The following DPY19L1 variants were observed in gnomAD, a reference collection of about 807,000 sequenced individuals.
The protein encoded by DPY19L1 is dpy-19 like C-mannosyltransferase 1.
In DPY19L1, 35 loss-of-function variants were observed where a neutral mutation model predicts 96.9. The ratio of observed to expected loss-of-function variants is 0.36; its 90% confidence interval spans 0.28 to 0.48. DPY19L1 has a LOEUF of 0.48. Among genes scored for constraint, DPY19L1 ranks in the 20% least tolerant of loss-of-function variants. DPY19L1 has a pLI of 0.99. For missense variants in DPY19L1, 521 were observed against 777.9 expected (o/e 0.67, Z 3.93); for synonymous variants, 205 against 252.6 (o/e 0.81, Z 1.79).
intron 6 of DPY19L1, among the ~76,000 whole-genome samples, chr7:35,002,141 A>C (rs1448584170): frequency 2.6e-5 from 4 of 151,034 alleles, no homozygotes; most frequent in Non-Finnish European, 4.4e-5. Flanking sequence ...AAAAAAAAAA[A>C]ACAAAACAAA....
chr7:35,019,772 G>C (rs1785949633), intron 1 of DPY19L1, among the ~76,000 whole-genome samples: 1 of 151,980 alleles, frequency 6.6e-6, no homozygotes, highest in Non-Finnish European at 1.5e-5. Flanking sequence ...AACTTAGTTT[G>C]TCATTTGACT....
At chr7:34,967,016 A>G (rs1479424521) in intron 9 of DPY19L1, 45 bp from the exon 10 acceptor site, 1 of 1,375,156 alleles carries the variant, frequency 7.3e-7, no homozygotes, top group Non-Finnish European at 9.9e-7. Flanking sequence ...TAAAATGAAT[A>G]GCTACAAGAA....
chr7:34,957,086 C>G (rs1784393659), intron 11 of DPY19L1, among the ~76,000 whole-genome samples: 2 of 152,120 alleles, frequency 1.3e-5, no homozygotes, highest in South Asian at 4.1e-4. Flanking sequence ...TTTAGACTTA[C>G]AAAGTCATCC....
upstream of DPY19L1, chr7:35,037,786 G>C: frequency 8.4e-7 from 1 of 1,197,004 alleles, no homozygotes; most frequent in Non-Finnish European, 1.0e-6. Context: ...CGCAGGCGGG[G>C]CCCGACCCCT....
intron 1 of DPY19L1, among the ~76,000 whole-genome samples, chr7:35,031,573 T>C (rs1376459332): frequency 2.0e-5 from 3 of 152,190 alleles, no homozygotes; most frequent in Non-Finnish European, 2.9e-5. Context: ...TTACAATGCA[T>C]AACAGCCACG....
At chr7:35,005,265 G>A (rs897176239) in intron 6 of DPY19L1, among the ~76,000 whole-genome samples, 9 of 151,998 alleles carry the variant, frequency 5.9e-5, no homozygotes, top group African/African-American at 2.2e-4. Flanking sequence ...GACAGCACCA[G>A]AGTCCTCTCT....
At chr7:34,961,994 T>G (rs1289034945) in intron 10 of DPY19L1, among the ~76,000 whole-genome samples, 1 of 152,226 alleles carries the variant, frequency 6.6e-6, no homozygotes, top group Non-Finnish European at 1.5e-5. Flanking sequence ...CATTTATTGC[T>G]GGTGGTAATG....
intron 7 of DPY19L1, among the ~76,000 whole-genome samples, chr7:34,981,735 G>A (rs1306654881): frequency 2.6e-5 from 4 of 152,156 alleles, no homozygotes; most frequent in African/African-American, 9.7e-5. Context: ...CAGATCACGT[G>A]AGGCCAGGAG....
chr7:35,030,578 G>A (rs1183554327), intron 1 of DPY19L1, among the ~76,000 whole-genome samples: 1 of 152,128 alleles, frequency 6.6e-6, no homozygotes, highest in Non-Finnish European at 1.5e-5. Context: ...TTCTTTATGT[G>A]ATAGTGATCG....
rs1785060646 is a variant in DPY19L1, at chr7:34,986,919, T to C, written c.822+2965A>G. ...CACAAAGTAAGGAATTTCCTCTTCATATGTGTACATCTTTATATATGTGAA... is the reference window on the plus strand; with the variant it reads ...CACAAAGTAAGGAATTTCCTCTTCACATGTGTACATCTTTATATATGTGAA... On this transcript the variant is annotated intron_variant, in intron 7 of 21. Coordinates refer to ENST00000638088, the MANE Select transcript of DPY19L1 (RefSeq NM_001366673.1). Among the ~76,000 whole-genome samples the C allele has an allele frequency of 2.0e-5, 3 of 152,064 alleles. No homozygotes were observed. The South Asian group carries it at 6.2e-4, about 31-fold the overall frequency.
rs1783738967 is a variant in DPY19L1, at chr7:34,930,898, G to A, written c.*675C>T. The stretch of plus-strand genomic sequence containing the variant: ...GAAGAGGAGAAGAGAGAGAGCAAGA[G>A]AGAGAGAGAAAGAGACACGATAATG... On this transcript the variant is annotated 3_prime_UTR_variant, in exon 22 of 22. Coordinates refer to ENST00000638088, the MANE Select transcript of DPY19L1 (RefSeq NM_001366673.1). 6.6e-6 allele frequency: 1 copy of A among 152,104 alleles called. No homozygotes were observed. The allele number at this position is 152,104 out of a possible 1,614,324, so 9.4% of individuals were successfully genotyped here.
At chr7:35,011,832 C>G (rs1226942946) in intron 4 of DPY19L1, among the ~76,000 whole-genome samples, 6 of 151,982 alleles carry the variant, frequency 3.9e-5, no homozygotes, top group Admixed American at 3.9e-4. Context: ...TAAAATAATT[C>G]CAGTCAAAAT....
At chr7:34,996,372 A>G (rs1414325221) in intron 6 of DPY19L1, among the ~76,000 whole-genome samples, 2 of 152,052 alleles carry the variant, frequency 1.3e-5, no homozygotes, top group African/African-American at 2.4e-5. Flanking sequence ...AGACCTCTCC[A>G]CTGTGTGCTC....
chr7:35,009,197 G>C (rs1785641052), intron 6 of DPY19L1, among the ~76,000 whole-genome samples: 1 of 152,266 alleles, frequency 6.6e-6, no homozygotes, highest in East Asian at 1.9e-4. Flanking sequence ...CGGTGGGCTA[G>C]AAACTCAACA....
At chr7:34,954,587 C>G in intron 13 of DPY19L1, 111 bp downstream of exon 13, 1 of 594,524 alleles carries the variant, frequency 1.7e-6, no homozygotes, top group East Asian at 3.2e-5. Flanking sequence ...AATAGGTGAA[C>G]AGACTTCATC....
Position 35,013,549 on chromosome 7 carries a change from A to C in DPY19L1, c.549+19T>G. ...GTTTTTACAAAAGTGAAAAATCACAATTGGAAAAAGTACCTTACCTCAGGG... is the reference window on the plus strand; with the variant it reads ...GTTTTTACAAAAGTGAAAAATCACACTTGGAAAAAGTACCTTACCTCAGGG... On this transcript the variant is annotated intron_variant, in intron 4 of 21. Transcript: ENST00000638088. The C allele has an allele frequency of 6.2e-7, 1 of 1,602,912 alleles. No individual in the cohort carries two copies. The highest frequency in any genetic ancestry group is 2.2e-5 in the East Asian group (1 of 44,478).
At chr7:34,978,358 T>C (rs139772869) in intron 7 of DPY19L1, among the ~76,000 whole-genome samples, 1 of 152,330 alleles carries the variant, frequency 6.6e-6, no homozygotes, top group East Asian at 1.9e-4. Context: ...TATTGCTTTA[T>C]ATTGCTTAAT....
chr7:34,988,063 G>A (rs1201970128), intron 7 of DPY19L1: 1 of 152,040 alleles, frequency 6.6e-6, no homozygotes, highest in Admixed American at 6.6e-5. Context: ...TGAAAAGCCA[G>A]TTGAATAGTC....
intron 8 of DPY19L1, among the ~76,000 whole-genome samples, chr7:34,969,889 A>G (rs1161324606): frequency 6.6e-6 from 1 of 152,234 alleles, no homozygotes; most frequent in Non-Finnish European, 1.5e-5. Flanking sequence ...TGATAGCAGC[A>G]TATTCTAAGT....
Sources: gnomAD v4.1 joint callset for allele counts (sites outside exome capture counted in the v4.1 genomes callset) on GRCh38, gnomAD v4.1.1 for gene constraint, MANE v1.5 for transcripts, NCBI Gene and HGNC (gene_info 2026-07-23, HGNC 2026-07-21) for gene names.